SMAD1: variants seen among roughly 807,000 people sequenced by gnomAD.
SMAD1 encodes the protein SMAD family member 1.
SMAD1 carries 6 observed loss-of-function variants against 41.6 expected under a neutral mutation model. That is an observed-to-expected ratio of 0.14 (90% confidence interval 0.08 to 0.28). The LOEUF (loss-of-function observed/expected upper bound fraction) is 0.28, where lower values mean the gene tolerates loss of function less well. Among genes scored for constraint, SMAD1 ranks in the 10% least tolerant of loss-of-function variants. The pLI, the probability that SMAD1 is intolerant of heterozygous loss-of-function variation, is 1.00. For missense variants in SMAD1, 379 were observed against 582.6 expected (o/e 0.65, Z 3.60); for synonymous variants, 206 against 203.2 (o/e 1.01, Z -0.12).
At chr4:145,535,553 C>T (rs549726079) in intron 2 of SMAD1, among the ~76,000 whole-genome samples, 1 of 152,076 alleles carries the variant, frequency 6.6e-6, no homozygotes, top group East Asian at 1.9e-4. Context: ...AAGCAAAGTG[C>T]AAAAGAGCCT....
chr4:145,546,989 C>T, intron 5 of SMAD1, 65 bp downstream of exon 5: 1 of 1,248,036 alleles, frequency 8.0e-7, no homozygotes. Flanking sequence ...CCAGAGCTGA[C>T]TTAAAATCAT....
intron 5 of SMAD1, 137 bp from the exon 6 acceptor site, chr4:145,553,647 C>T (rs1361439337): frequency 2.6e-6 from 2 of 773,102 alleles, no homozygotes; most frequent in African/African-American, 1.7e-5. Flanking sequence ...TCCTGTTGTA[C>T]AGGACCTAGA....
chr4:145,504,613 T>C (rs1184718756), intron 1 of SMAD1, among the ~76,000 whole-genome samples: 2 of 152,238 alleles, frequency 1.3e-5, no homozygotes, highest in Non-Finnish European at 2.9e-5. Context: ...TTTCTCTGTT[T>C]GGAAATGTGA....
intron 5 of SMAD1, among the ~76,000 whole-genome samples, chr4:145,553,191 G>A (rs991166683): frequency 2.6e-5 from 4 of 151,640 alleles, no homozygotes; most frequent in African/African-American, 9.7e-5. Flanking sequence ...GATTACAGGC[G>A]TGAACAACTG....
At chr4:145,497,488 T>C (rs1191927234) in intron 1 of SMAD1, 3 of 152,198 alleles carry the variant, frequency 2.0e-5, no homozygotes, top group Non-Finnish European at 2.9e-5. Flanking sequence ...GTTATACTCA[T>C]TTTCTTTCTA....
chr4:145,537,126 C>G (rs1731656634), intron 2 of SMAD1, among the ~76,000 whole-genome samples: 1 of 152,062 alleles, frequency 6.6e-6, no homozygotes, highest in Admixed American at 6.6e-5. Flanking sequence ...TGTGATTCTA[C>G]CTTAGGTCCT....
At chr4:145,506,152 A>G (rs760812151) in intron 1 of SMAD1, among the ~76,000 whole-genome samples, 3 of 152,064 alleles carry the variant, frequency 2.0e-5, no homozygotes, top group Non-Finnish European at 2.9e-5. Context: ...ATCAAACAGA[A>G]TTTTTATAAA....
chr4:145,553,630 T>C (rs1732678496), intron 5 of SMAD1, among the ~76,000 whole-genome samples, 154 bp from the exon 6 acceptor site: 1 of 152,160 alleles, frequency 6.6e-6, no homozygotes, highest in African/African-American at 2.4e-5. Context: ...CCCCGGGGGT[T>C]GGGAACTCCT....
intron 5 of SMAD1, among the ~76,000 whole-genome samples, chr4:145,553,057 C>T (rs1331534134): frequency 2.0e-5 from 3 of 150,030 alleles, no homozygotes; most frequent in Non-Finnish European, 4.4e-5. Flanking sequence ...GTGTGCACCC[C>T]TATGCCTGGC....
intron 3 of SMAD1, among the ~76,000 whole-genome samples, chr4:145,541,988 A>G (rs1049598431): frequency 6.6e-6 from 1 of 152,248 alleles, no homozygotes. Flanking sequence ...GCTGTGATAA[A>G]CTGATTCATT....
At position 145,546,901 on chromosome 4, in the gene SMAD1, A is replaced by G; in HGVS notation, c.974A>G (p.Asn325Ser). 6.2e-7 allele frequency: 1 copy of G among 1,614,014 alleles called. No homozygotes were observed. Residue 325 changes from asparagine (N) to serine (S), a missense_variant, in exon 5 of 7, where the codon AAC (asparagine) becomes AGC (serine). Physicochemically the swap from Asn to Ser is conservative, Grantham distance 46. Around this residue, in one of 3 missense-constraint regions of SMAD1, gnomAD observed 107 missense variants for 218.3 expected, o/e 0.49. Coordinates refer to ENST00000302085, the MANE Select transcript of SMAD1 (RefSeq NM_005900.3). ...GTTAACCGGAATTCCACTATTGAAA[A>G]CACCAGGCGGCATATTGGAAAAGGT... ...SNVNRNSTIENTRRHIGKGVH... is the reference protein window; with the variant it reads ...SNVNRNSTIESTRRHIGKGVH...
intron 5 of SMAD1, among the ~76,000 whole-genome samples, chr4:145,549,231 A>C (rs1222594327): frequency 6.6e-6 from 1 of 152,242 alleles, no homozygotes; most frequent in East Asian, 1.9e-4. Flanking sequence ...TGTAAGGGAC[A>C]TTATTGAGAT....
chr4:145,487,468 A>G (rs1578730440), intron 1 of SMAD1, among the ~76,000 whole-genome samples: 1 of 152,190 alleles, frequency 6.6e-6, no homozygotes. Context: ...ACATACTTTG[A>G]TAACAAATAG....
chr4:145,533,543 G>A (rs931710572), intron 2 of SMAD1, among the ~76,000 whole-genome samples: 2 of 151,672 alleles, frequency 1.3e-5, no homozygotes, highest in East Asian at 1.9e-4. Flanking sequence ...AATTAACTGC[G>A]CATGGTGGCA....
At chr4:145,545,756 C>T (rs1732219251) in intron 4 of SMAD1, 1 of 152,076 alleles carries the variant, frequency 6.6e-6, no homozygotes, top group Non-Finnish European at 1.5e-5. Flanking sequence ...ACTTCATAAA[C>T]CTCAGATCAT....
At chr4:145,523,065 A>T (rs1730839198) in intron 2 of SMAD1, among the ~76,000 whole-genome samples, 1 of 152,202 alleles carries the variant, frequency 6.6e-6, no homozygotes, top group Non-Finnish European at 1.5e-5. Flanking sequence ...ATTTGGGATT[A>T]ATTAGCAATA....
At position 145,514,519 on chromosome 4, in the gene SMAD1, TTC is replaced by T. The variant is rs1304204825; in HGVS notation, c.-91_-90del. On this transcript the variant is annotated 5_prime_UTR_variant, in exon 2 of 7. Transcript: ENST00000302085. This position sits in a 1 kb window ranked among gnomAD's most constrained non-coding sequence, Gnocchi z 4.7. Reference sequence around the variant, plus strand: ...CTTCAAACTAAGAAGTTAAAGAGACTTCTCTGTAAATAAACAAATCTCTTCTG... The same window carrying T: ...CTTCAAACTAAGAAGTTAAAGAGACTTCTGTAAATAAACAAATCTCTTCTG... The T allele has an allele frequency of 1.6e-6, 2 of 1,220,236 alleles. No homozygotes were observed. Among genetic ancestry groups the T allele is most frequent in the Admixed American group, 4.9e-5 (2 of 41,210 alleles). The allele number at this position is 1,220,236 out of a possible 1,614,324, so 75.6% of individuals were successfully genotyped here. A position where few individuals can be genotyped will look rare whatever the true frequency, so the allele number is the denominator to read the frequency against.
chr4:145,496,729 C>T (rs1196575988), intron 1 of SMAD1, among the ~76,000 whole-genome samples: 1 of 151,760 alleles, frequency 6.6e-6, no homozygotes, highest in African/African-American at 2.4e-5. Flanking sequence ...AACCAGTGCC[C>T]CAGGTATACC....
chr4:145,484,953 G>A (rs1360088481), intron 1 of SMAD1, among the ~76,000 whole-genome samples: 1 of 152,178 alleles, frequency 6.6e-6, no homozygotes, highest in Non-Finnish European at 1.5e-5. Context: ...CATATAAACA[G>A]TTCAGGAAAA....
Sources: allele counts gnomAD v4.1 joint callset (sites outside exome capture counted in the v4.1 genomes callset), GRCh38; gene constraint gnomAD v4.1.1; regional missense constraint gnomAD v4.1.1; non-coding constraint Gnocchi (gnomAD v3.1); transcripts MANE v1.5; gene names NCBI Gene and HGNC (gene_info 2026-07-23, HGNC 2026-07-21).